MYH11: variants seen among roughly 807,000 people sequenced by gnomAD.
MYH11 encodes myosin-11.
MYH11 carries 80 observed loss-of-function variants against 246.6 expected under a neutral mutation model. The observed-to-expected ratio is 0.32, with a 90% CI of 0.27 to 0.39. MYH11 has a LOEUF of 0.39. Among genes scored for constraint, MYH11 ranks in the 10% least tolerant of loss-of-function variants. The pLI is 1.00. For synonymous variants in MYH11, 1,071 were observed against 1,015.5 expected (o/e 1.05, Z -1.04); for missense variants, 2,158 against 2,546.8 (o/e 0.85, Z 3.29).
chr16:15,806,577 T>C (rs112632089), intron 3 of MYH11, among the ~76,000 whole-genome samples: 2 of 152,318 alleles, frequency 1.3e-5, no homozygotes, highest in African/African-American at 4.8e-5. Flanking sequence ...ATTTTAGGTG[T>C]GAACTGTATC....
At chr16:15,718,076 A>C (rs1252136701) in intron 37 of MYH11, 6 of 617,136 alleles carry the variant, frequency 9.7e-6, no homozygotes, top group East Asian at 8.6e-5. Context: ...AGGTACGGGG[A>C]GCCAGCCACG....
chr16:15,724,413 C>CA lies in MYH11; in HGVS notation c.4117-5dup, dbSNP rs1567699915. Reference sequence around the variant, plus strand: ...GCTTCTTCTTCGAGTCGGAGAGCTACAAGGACAGCGTCCAGGGTAGGGTGA... The same window carrying CA: ...GCTTCTTCTTCGAGTCGGAGAGCTACAAAGGACAGCGTCCAGGGTAGGGTGA... On this transcript the variant is annotated splice_polypyrimidine_tract_variant and splice_region_variant and intron_variant, in intron 30 of 40. Transcript: ENST00000300036. 7.4e-6 allele frequency: 12 copies of CA among 1,613,638 alleles called. 1 individual carries two copies. The South Asian group carries it at 1.3e-4, about 18-fold the overall frequency.
chr16:15,834,812 G>A (rs558151051), intron 2 of MYH11, among the ~76,000 whole-genome samples: 16 of 152,050 alleles, frequency 1.1e-4, no homozygotes, highest in African/African-American at 3.4e-4. Flanking sequence ...GCTCACACCC[G>A]TAATCCCAGC....
At chr16:15,719,550 G>T in intron 35 of MYH11, 35 bp downstream of exon 35, 1 of 1,613,066 alleles carries the variant, frequency 6.2e-7, no homozygotes, top group Non-Finnish European at 8.5e-7. Context: ...CGTGACACCC[G>T]CATCTGAGGC....
chr16:15,778,677 A>G (rs2042278485), intron 7 of MYH11, 103 bp downstream of exon 7: 2 of 1,142,922 alleles, frequency 1.7e-6, no homozygotes, highest in Non-Finnish European at 2.7e-6. Flanking sequence ...GAAACCTAAG[A>G]GGCTGGAAAG....
intron 1 of MYH11, among the ~76,000 whole-genome samples, chr16:15,856,064 A>T (rs1383082037): frequency 6.6e-6 from 1 of 152,092 alleles, no homozygotes; most frequent in Non-Finnish European, 1.5e-5. Flanking sequence ...CGTTTTACCC[A>T]TTTGGTTGGG....
chr16:15,793,356 C>T (rs1010852377), intron 4 of MYH11, among the ~76,000 whole-genome samples: 2 of 151,890 alleles, frequency 1.3e-5, no homozygotes, highest in African/African-American at 4.8e-5. Flanking sequence ...TGCAGTGGTG[C>T]CATCATAGCT....
At position 15,715,334 on chromosome 16, in the gene MYH11, G is replaced by A. The variant is rs1261256682; in HGVS notation, c.5505-62C>T. On this transcript the variant is annotated intron_variant, in intron 38 of 40. Transcript: ENST00000300036. ...GGGTGGCACCCCTTGTAGCTGGTGT[G>A]TCACCTGGAGGTGGCATCTTGAGTG... 16 of 1,537,474 alleles carry A rather than the reference G, an allele frequency of 1.0e-5. No homozygotes were observed. The African/African-American group carries it at 2.1e-4, about 20-fold the overall frequency.
intron 1 of MYH11, among the ~76,000 whole-genome samples, chr16:15,844,458 A>C (rs1450841032): frequency 6.6e-6 from 1 of 152,200 alleles, no homozygotes; most frequent in Non-Finnish European, 1.5e-5. Context: ...TTGGCCTCTC[A>C]AAGTGCTGAC....
chr16:15,721,673 C>T (rs373678131), intron 31 of MYH11, 39 bp from the exon 32 acceptor site: 18 of 1,603,500 alleles, frequency 1.1e-5, no homozygotes, highest in African/African-American at 2.7e-5. Flanking sequence ...TAGGCATATC[C>T]GGGGTCAGCG....
intron 16 of MYH11, chr16:15,749,775 C>T (rs1157627114): frequency 5.1e-6 from 2 of 391,062 alleles, no homozygotes; most frequent in Admixed American, 4.0e-5. Context: ...ACACAATCGC[C>T]CCAAGCTGAA....
At chr16:15,848,327 G>A (rs749925981) in intron 1 of MYH11, among the ~76,000 whole-genome samples, 17 of 148,854 alleles carry the variant, frequency 1.1e-4, no homozygotes, top group Non-Finnish European at 2.5e-4. Flanking sequence ...CCACGTTTCT[G>A]GGTTCAAGTG....
intron 10 of MYH11, among the ~76,000 whole-genome samples, chr16:15,761,927 C>A (rs900780269): frequency 2.6e-5 from 4 of 152,176 alleles, no homozygotes; most frequent in African/African-American, 4.8e-5. Flanking sequence ...TCCACTGAAC[C>A]ATTTGTGGGT....
At position 15,735,363 on chromosome 16, in the gene MYH11, C is replaced by A. The variant is rs781594060; in HGVS notation, c.3506+3G>T. ...AGGATGGTGGGATTGATGGGCCCCT[C>A]ACCTGAGCTCCTGCTGAGTGGCTGT... On this transcript the variant is annotated splice_donor_region_variant and intron_variant, in intron 26 of 40. Coordinates refer to ENST00000300036, the MANE Select transcript of MYH11 (RefSeq NM_002474.3). 1.9e-6 allele frequency: 3 copies of A among 1,613,636 alleles called. No homozygotes were observed. The Admixed American group carries it at 5.0e-5, about 27-fold the overall frequency.
At chr16:15,738,246 C>T (rs1342281476) in intron 24 of MYH11, among the ~76,000 whole-genome samples, 4 of 151,324 alleles carry the variant, frequency 2.6e-5, no homozygotes, top group Non-Finnish European at 5.9e-5. Context: ...TGGCTCATGC[C>T]TATAATCCCA....
chr16:15,786,190 G>A (rs1418286385), intron 5 of MYH11: 1 of 352,958 alleles, frequency 2.8e-6, no homozygotes, highest in Non-Finnish European at 5.6e-6. Context: ...ATCTGACAAT[G>A]TCTAGAGATA....
chr16:15,708,863 C>T (rs776971115), intron 40 of MYH11: 35 of 1,607,444 alleles, frequency 2.2e-5, no homozygotes, highest in Non-Finnish European at 2.8e-5. Flanking sequence ...AGAGAATCCC[C>T]GGAGGTTACC....
intron 7 of MYH11, among the ~76,000 whole-genome samples, chr16:15,776,612 A>G (rs140483090): frequency 3.3e-4 from 51 of 152,322 alleles, no homozygotes; most frequent in African/African-American, 1.2e-3. Context: ...ATGCTAGGAA[A>G]TAAGTGCAAC....
chr16:15,783,672 C>T (rs564102822), intron 5 of MYH11: 8 of 152,154 alleles, frequency 5.3e-5, no homozygotes, highest in Non-Finnish European at 1.2e-4. Flanking sequence ...CACTTTTGTT[C>T]ACATAAACTT....
Sources: allele counts gnomAD v4.1 joint callset (sites outside exome capture counted in the v4.1 genomes callset), GRCh38; gene constraint gnomAD v4.1.1; transcripts MANE v1.5; gene names NCBI Gene and HGNC (gene_info 2026-07-23, HGNC 2026-07-21).